DLEC1: variants seen among roughly 807,000 people sequenced by gnomAD.
DLEC1 encodes the protein DLEC1 cilia and flagella associated protein.
A neutral mutation model predicts 198.1 loss-of-function variants in DLEC1; 146 were observed. The observed-to-expected ratio is 0.74, with a 90% CI of 0.64 to 0.85. The LOEUF (loss-of-function observed/expected upper bound fraction) is 0.85, where lower values mean the gene tolerates loss of function less well. DLEC1 is among the 40% of genes least tolerant of loss of function. The probability of loss-of-function intolerance (pLI) is 0.00; values close to 1 mark genes in which losing one functional copy is unlikely to be tolerated. For synonymous variants in DLEC1, 897 were observed against 866.8 expected (o/e 1.03, Z -0.61); for missense variants, 2,233 against 2,220.0 (o/e 1.01, Z -0.12).
intron 6 of DLEC1, among the ~76,000 whole-genome samples, chr3:38,068,084 G>C (rs1353257353): frequency 2.6e-5 from 4 of 152,114 alleles, no homozygotes; most frequent in Admixed American, 6.5e-5. Flanking sequence ...GAGTATCCTA[G>C]CAAGCAAGAA....
Position 38,116,797 on chromosome 3 carries a change from A to G in DLEC1, c.4087A>G (p.Asn1363Asp), listed in dbSNP as rs779193797. Residue 1363 changes from asparagine to aspartate, a missense_variant, in exon 29 of 37, where the codon AAT (asparagine) becomes GAT (aspartate). Physicochemically the swap from Asn to Asp is conservative, Grantham distance 23. Coordinates refer to ENST00000308059, the MANE Select transcript of DLEC1 (RefSeq NM_007335.4). Reference sequence around the variant, plus strand: ...GGTTGAGGGCAGCTCCAGTGCCAGCAATAGGGTGGCACAGAAGCTCATCTC... The same window carrying G: ...GGTTGAGGGCAGCTCCAGTGCCAGCGATAGGGTGGCACAGAAGCTCATCTC... ...SSVEGSSSAS[N>D]RVAQKLISVI... is the part of the protein sequence containing the mutation. 2 of 1,613,538 alleles carry G rather than the reference A, an allele frequency of 1.2e-6. No homozygotes were observed. The highest frequency in any genetic ancestry group is 2.2e-5 in the South Asian group (2 of 90,982).
Position 38,094,865 on chromosome 3 carries a change from C to T in DLEC1, c.1920-14C>T, listed in dbSNP as rs1174603312. The T allele has an allele frequency of 1.1e-5, 18 of 1,611,932 alleles. No homozygotes were observed. The Middle Eastern group carries it at 5.4e-4, about 48-fold the overall frequency. On this transcript the variant is annotated splice_polypyrimidine_tract_variant and intron_variant, in intron 12 of 36. Transcript: ENST00000308059. ...CAGAACTGGGACATGGCCTTGGATG[C>T]GTTGCCCCCACAGGCACGTGGAGCT...
intron 6 of DLEC1, among the ~76,000 whole-genome samples, chr3:38,067,118 C>G (rs769628051): frequency 7.9e-5 from 12 of 152,214 alleles, no homozygotes; most frequent in Non-Finnish European, 1.6e-4. Context: ...ACATAGACTG[C>G]TATGGAACAG....
chr3:38,078,971 G>A (rs1480433983), intron 6 of DLEC1, among the ~76,000 whole-genome samples: 10 of 152,302 alleles, frequency 6.6e-5, no homozygotes, highest in African/African-American at 1.7e-4. Context: ...TGTAGCAGGC[G>A]AGTGATAACA....
chr3:38,069,280 A>G (rs908941907), intron 6 of DLEC1, among the ~76,000 whole-genome samples: 9 of 152,282 alleles, frequency 5.9e-5, no homozygotes, highest in Admixed American at 2.6e-4. Context: ...CCAGGCCCAG[A>G]TCATTTTGCA....
chr3:38,120,386 G>A, intron 33 of DLEC1, 62 bp from the exon 34 acceptor site: 1 of 1,588,466 alleles, frequency 6.3e-7, no homozygotes, highest in East Asian at 2.2e-5. Flanking sequence ...TGGAGCTCCA[G>A]GTGGGGAAGT....
intron 6 of DLEC1, among the ~76,000 whole-genome samples, chr3:38,082,085 G>A (rs554736148): frequency 2.7e-5 from 4 of 146,178 alleles, no homozygotes; most frequent in East Asian, 2.1e-4. Flanking sequence ...CAGACGGGGC[G>A]GCCGGGCAGA....
intron 5 of DLEC1, among the ~76,000 whole-genome samples, chr3:38,063,253 C>T (rs1052816882): frequency 6.6e-6 from 1 of 152,124 alleles, no homozygotes. Flanking sequence ...AAGCCTAAAA[C>T]TATTAACATT....
At chr3:38,048,986 G>A (rs939256215) in intron 2 of DLEC1, among the ~76,000 whole-genome samples, 5 of 152,054 alleles carry the variant, frequency 3.3e-5, no homozygotes, top group African/African-American at 1.2e-4. Context: ...GTTGCCTGAT[G>A]TTCCCTGAAT....
At chr3:38,115,855 G>A (rs1038374096) in intron 27 of DLEC1, among the ~76,000 whole-genome samples, 4 of 152,040 alleles carry the variant, frequency 2.6e-5, no homozygotes, top group Non-Finnish European at 5.9e-5. Flanking sequence ...AGAGAGCAAT[G>A]GGGAGCCCCA....
chr3:38,120,689 A>G, intron 34 of DLEC1, 80 bp downstream of exon 34: 1 of 1,568,088 alleles, frequency 6.4e-7, no homozygotes, highest in Non-Finnish European at 8.7e-7. Context: ...AGGAGGAAAG[A>G]CCTAGCAGGG....
chr3:38,042,535 T>C (rs1700703452), intron 1 of DLEC1, among the ~76,000 whole-genome samples: 1 of 151,430 alleles, frequency 6.6e-6, no homozygotes, highest in Non-Finnish European at 1.5e-5. Flanking sequence ...GTTATTCCAC[T>C]TCTGTAATGT....
At chr3:38,085,197 G>A (rs1698386047) in intron 7 of DLEC1, 77 bp from the exon 8 acceptor site, 2 of 1,522,638 alleles carry the variant, frequency 1.3e-6, no homozygotes, top group African/African-American at 1.4e-5. Context: ...GCAGGGCTGG[G>A]GTCTGTACCA....
chr3:38,062,865 C>G, intron 5 of DLEC1, 64 bp downstream of exon 5: 2 of 1,545,524 alleles, frequency 1.3e-6, no homozygotes, highest in South Asian at 2.3e-5. Flanking sequence ...CTAGATGGTC[C>G]TCCGTTTGGT....
intron 7 of DLEC1, among the ~76,000 whole-genome samples, chr3:38,084,473 G>GGTGGTAGTAGTA (rs1698288398): frequency 1.1e-5 from 1 of 88,480 alleles, no homozygotes. Flanking sequence ...TAGTAGTGGT[G>GGTGGTAGTAGTA]GTGGTGGTAG....
chr3:38,094,292 A>G lies in DLEC1; in HGVS notation c.1919+525A>G, dbSNP rs967602946. On this transcript the variant is annotated intron_variant, in intron 12 of 36. Coordinates refer to ENST00000308059, the MANE Select transcript of DLEC1 (RefSeq NM_007335.4). Reference sequence around the variant, plus strand: ...AGGACAAATCTCAGGGAGCCTCCCAACCAGGGCTGCCCTGGGGACCCCAGA... The same window carrying G: ...AGGACAAATCTCAGGGAGCCTCCCAGCCAGGGCTGCCCTGGGGACCCCAGA... 5.9e-5 allele frequency among the ~76,000 whole-genome samples: 9 copies of G among 152,190 alleles called. No individual in the cohort carries two copies. In the East Asian group the frequency reaches 1.7e-3, roughly 29 times the overall value.
At chr3:38,120,236 G>A (rs772802429) in intron 33 of DLEC1, among the ~76,000 whole-genome samples, 10 of 152,230 alleles carry the variant, frequency 6.6e-5, no homozygotes, top group Non-Finnish European at 1.3e-4. Flanking sequence ...TGACCTCTGA[G>A]GGCAGACATG....
chr3:38,082,116 C>T (rs9714397), intron 6 of DLEC1, among the ~76,000 whole-genome samples: 75 of 148,856 alleles, frequency 5.0e-4, no homozygotes, highest in Non-Finnish European at 6.7e-4. Context: ...ACCTCCCAGA[C>T]GGGGTCTCGG....
intron 6 of DLEC1, among the ~76,000 whole-genome samples, chr3:38,078,395 G>T (rs1364242830): frequency 6.6e-6 from 1 of 152,208 alleles, no homozygotes; most frequent in East Asian, 1.9e-4. Context: ...AAAACAGTAA[G>T]GTCAAGTTGT....
Sources: allele counts gnomAD v4.1 joint callset (sites outside exome capture counted in the v4.1 genomes callset), GRCh38; gene constraint gnomAD v4.1.1; transcripts MANE v1.5; gene names NCBI Gene and HGNC (gene_info 2026-07-23, HGNC 2026-07-21).